The following NUTM2G variants were observed in gnomAD, a reference collection of about 807,000 sequenced individuals.
NUTM2G encodes NUT family member 2G.
In NUTM2G, 29 loss-of-function variants were observed where a neutral mutation model predicts 44.3. The observed-to-expected ratio is 0.66, with a 90% confidence interval of 0.49 to 0.89. The LOEUF is 0.89. Among genes scored for constraint, NUTM2G ranks in the 40% least tolerant of loss-of-function variants. NUTM2G has a pLI of 0.00. For missense variants in NUTM2G, 502 were observed against 946.5 expected (o/e 0.53, Z 6.16); for synonymous variants, 205 against 395.9 (o/e 0.52, Z 5.72).
intron 5 of NUTM2G, among the ~76,000 whole-genome samples, 167 bp from the exon 6 acceptor site, chr9:96,937,718 C>T (rs1826485486): frequency 6.6e-6 from 1 of 151,866 alleles, no homozygotes; most frequent in African/African-American, 2.4e-5. Flanking sequence ...TGTGTGTATG[C>T]TATGAGGTCT....
Position 96,935,312 on chromosome 9 carries a change from C to A in NUTM2G, c.714-16C>A. ...GGGTGGGCTTACAGACTGGGACTGA[C>A]TGCACTGGTTTACAGCCCAGTTCTC... On this transcript the variant is annotated splice_polypyrimidine_tract_variant and intron_variant, in intron 2 of 6. Transcript: ENST00000372322. 6.2e-7 allele frequency: 1 copy of A among 1,611,964 alleles called. No homozygotes were observed. The highest frequency in any genetic ancestry group is 8.5e-7 in the Non-Finnish European group (1 of 1,179,830).
chr9:96,933,433 C>A (rs766536075), intron 2 of NUTM2G: 45 of 150,768 alleles, frequency 3.0e-4, no homozygotes, highest in Admixed American at 8.6e-4. Flanking sequence ...TGCAATGGTG[C>A]GATCTTGGCT....
chr9:96,935,128 C>T (rs190065992), intron 2 of NUTM2G, among the ~76,000 whole-genome samples, 200 bp from the exon 3 acceptor site: 40 of 152,286 alleles, frequency 2.6e-4, no homozygotes, highest in Admixed American at 1.8e-3. Context: ...GAGGGGCAGT[C>T]GGAGAGGCCA....
At chr9:96,934,841 G>A (rs915505999) in intron 2 of NUTM2G, among the ~76,000 whole-genome samples, 10 of 152,092 alleles carry the variant, frequency 6.6e-5, no homozygotes, top group African/African-American at 1.7e-4. Context: ...AGGTGACAGC[G>A]GATTGGGTGT....
At chr9:96,934,708 G>C (rs1282036775) in intron 2 of NUTM2G, among the ~76,000 whole-genome samples, 2 of 151,492 alleles carry the variant, frequency 1.3e-5, no homozygotes, top group African/African-American at 4.9e-5. Flanking sequence ...CTCGCTCCCA[G>C]GTCATTCTGT....
Position 96,928,959 on chromosome 9 carries a change from C to T in NUTM2G, c.-66C>T. 6.4e-7 allele frequency: 1 copy of T among 1,569,974 alleles called. No individual in the cohort carries two copies. Among genetic ancestry groups the T allele is most frequent in the Non-Finnish European group, 8.7e-7 (1 of 1,149,660 alleles). On this transcript the variant is annotated 5_prime_UTR_variant, in exon 1 of 7. Coordinates refer to ENST00000372322, the MANE Select transcript of NUTM2G (RefSeq NM_001170741.3). ...TGCTGAGTCAGGTCACTCTCTGGGT[C>T]CTGCCCTTGACTTTTTTCATTGCGG...
At chr9:96,942,676 C>G (rs1172340840), downstream of NUTM2G, 1 of 139,572 alleles carries the variant, frequency 7.2e-6, no homozygotes, top group Non-Finnish European at 1.5e-5. Flanking sequence ...GGTCCTTCCT[C>G]AGAGTTTCCT....
intron 1 of NUTM2G, among the ~76,000 whole-genome samples, chr9:96,929,471 T>TA (rs1826173695): frequency 6.6e-6 from 1 of 151,538 alleles, no homozygotes; most frequent in Admixed American, 6.6e-5. Context: ...TTCTAGTTCT[T>TA]AGAGAGGAGT....
intron 1 of NUTM2G, among the ~76,000 whole-genome samples, chr9:96,929,618 G>A (rs994194727): frequency 2.0e-4 from 30 of 152,116 alleles, no homozygotes; most frequent in African/African-American, 7.0e-4. Context: ...CCTCCCCAGA[G>A]ATGGCTTCTC....
At position 96,929,042 on chromosome 9, in the gene NUTM2G, T is replaced by C. The variant is rs754837261; in HGVS notation, c.16+2T>C. 4 of 1,610,196 alleles carry C rather than the reference T, an allele frequency of 2.5e-6. No individual in the cohort carries two copies. The South Asian group carries it at 3.3e-5, about 13-fold the overall frequency. Reference sequence around the variant, plus strand: ...CTGAGGGGATGGCTTCAAATGGAGGTGAGCCTGTAGGGATGGGGCATTATC... The same window carrying C: ...CTGAGGGGATGGCTTCAAATGGAGGCGAGCCTGTAGGGATGGGGCATTATC... On this transcript the variant is annotated splice_donor_variant, in intron 1 of 6. Coordinates refer to ENST00000372322, the MANE Select transcript of NUTM2G (RefSeq NM_001170741.3). LOFTEE classifies it high-confidence loss of function.
intron 3 of NUTM2G, 103 bp from the exon 4 acceptor site, chr9:96,936,322 C>T (rs938385841): frequency 1.8e-5 from 28 of 1,532,058 alleles, no homozygotes; most frequent in African/African-American, 2.7e-5. Context: ...CTAGACAGCC[C>T]GCCGGAGGCA....
At position 96,937,958 on chromosome 9, in the gene NUTM2G, T is replaced by C. The variant is rs1826495935; in HGVS notation, c.1397T>C (p.Leu466Pro). ...SPDPQMDFLA[L>P]SQELEQEEGL... ...GATCCACAGATGGATTTCTTGGCCC[T>C]AAGCCAGGAGCTGGAGCAGGAGGAA... Residue 466 changes from leucine (L) to proline (P), a missense_variant, in exon 6 of 7, where the codon CTA (leucine) becomes CCA (proline). By Grantham distance (98) the Leu-to-Pro change is moderately conservative (BLOSUM62 -3). Transcript: ENST00000372322. The C allele has an allele frequency of 6.2e-7, 1 of 1,612,026 alleles. No individual in the cohort carries two copies. The highest frequency in any genetic ancestry group is 2.2e-5 in the East Asian group (1 of 44,842).
At chr9:96,933,140 G>A (rs1028885155) in intron 2 of NUTM2G, among the ~76,000 whole-genome samples, 13 of 151,136 alleles carry the variant, frequency 8.6e-5, no homozygotes, top group African/African-American at 2.9e-4. Flanking sequence ...ACCATGCCCG[G>A]CTAATTTTTT....
chr9:96,937,971 G>A lies in NUTM2G; in HGVS notation c.1410G>A (p.Leu470=), dbSNP rs779643499. ...QMDFLALSQE[L]EQEEGLTLAQ... ...ATTTCTTGGCCCTAAGCCAGGAGCT[G>A]GAGCAGGAGGAAGGACTCACCCTTG... is the stretch of plus-strand genomic sequence containing the variant. Residue 470 remains leucine, a synonymous_variant, in exon 6 of 7, where the codon CTG becomes CTA. Transcript: ENST00000372322. 1.9e-6 allele frequency: 3 copies of A among 1,612,184 alleles called. No homozygotes were observed. Among genetic ancestry groups the A allele is most frequent in the Non-Finnish European group, 8.5e-7 (1 of 1,179,846 alleles).
Position 96,937,751 on chromosome 9 carries a change from G to C in NUTM2G, c.1324-134G>C, listed in dbSNP as rs1242770689. On this transcript the variant is annotated intron_variant, in intron 5 of 6. Coordinates refer to ENST00000372322, the MANE Select transcript of NUTM2G (RefSeq NM_001170741.3). ...TCTGTGGTCTGTGCGTGTAGCTGGTGGTCGCCATGATATGAAACAGCCCCA... is the reference window on the plus strand; with the variant it reads ...TCTGTGGTCTGTGCGTGTAGCTGGTCGTCGCCATGATATGAAACAGCCCCA... 4 of 1,126,490 alleles carry C rather than the reference G, an allele frequency of 3.6e-6. No homozygotes were observed. In the African/African-American group the frequency reaches 6.1e-5, roughly 17 times the overall value. The allele number at this position is 1,126,490 out of a possible 1,614,324, so 69.8% of individuals were successfully genotyped here.
In NUTM2G at chr9:96,931,802, C is replaced by T. The variant is rs780159675; in HGVS notation, c.97C>T (p.Pro33Ser). ...SVFTALPFAT[P>S]SPGPTHRPPL... is the part of the protein sequence containing the mutation. ...GTTCACGGCTCTGCCCTTTGCCACA[C>T]CCTCTCCCGGCCCAACACACAGGCC... The change falls in exon 2 of 7, where the codon CCC (proline) becomes TCC (serine). Residue 33 changes from proline to serine, a missense_variant. By Grantham distance (74) the Pro-to-Ser change is moderately conservative. Transcript: ENST00000372322. The T allele has an allele frequency of 2.5e-6, 4 of 1,611,780 alleles. No homozygotes were observed. Among genetic ancestry groups the T allele is most frequent in the Non-Finnish European group, 3.4e-6 (4 of 1,179,866 alleles).
intron 1 of NUTM2G, among the ~76,000 whole-genome samples, chr9:96,930,872 GTTTTTTTTTTTTTTTTTTTTTTTTTTT>G (rs1168888338): frequency 4.1e-5 from 3 of 72,656 alleles, no homozygotes; most frequent in South Asian, 5.6e-4. Flanking sequence ...CCATCCAGTG[GTTTTTTTTTTTTTTTTTTTTTTTTTTT>G]TTTTTTTTTT....
chr9:96,932,654 T>C (rs1826302592), intron 2 of NUTM2G, among the ~76,000 whole-genome samples: 1 of 105,378 alleles, frequency 9.5e-6, no homozygotes, highest in African/African-American at 5.0e-5. Flanking sequence ...AATCCTTAAT[T>C]TTTTTTTTTT....
chr9:96,929,411 C>G (rs985800241), intron 1 of NUTM2G, among the ~76,000 whole-genome samples: 4 of 151,586 alleles, frequency 2.6e-5, no homozygotes, highest in African/African-American at 9.7e-5. Context: ...TGTCTTCAGG[C>G]ACCTGGAAGG....
Sources: gnomAD v4.1 joint callset for allele counts (sites outside exome capture counted in the v4.1 genomes callset) on GRCh38, gnomAD v4.1.1 for gene constraint, MANE v1.5 for transcripts, NCBI Gene and HGNC (gene_info 2026-07-23, HGNC 2026-07-21) for gene names.